The following NSFL1C variants were observed in gnomAD, a reference collection of about 807,000 sequenced individuals.
The protein encoded by NSFL1C is NSFL1 cofactor.
NSFL1C carries 14 observed loss-of-function variants against 43.1 expected under a neutral mutation model. The ratio of observed to expected loss-of-function variants is 0.32; its 90% CI spans 0.21 to 0.51. The LOEUF (loss-of-function observed/expected upper bound fraction) is 0.51, where lower values mean the gene tolerates loss of function less well. Among genes scored for constraint, NSFL1C ranks in the 20% least tolerant of loss-of-function variants. The probability of loss-of-function intolerance (pLI) is 0.98; values close to 1 mark genes in which losing one functional copy is unlikely to be tolerated. For synonymous variants in NSFL1C, 171 were observed against 183.5 expected (o/e 0.93, Z 0.55); for missense variants, 406 against 472.5 (o/e 0.86, Z 1.30).
At chr20:1,459,257 T>C (rs2090364183) in intron 2 of NSFL1C, among the ~76,000 whole-genome samples, 1 of 152,236 alleles carries the variant, frequency 6.6e-6, no homozygotes, top group South Asian at 2.1e-4. Context: ...CATGCTGTTC[T>C]CATGATAGTG....
intron 5 of NSFL1C, among the ~76,000 whole-genome samples, chr20:1,453,952 G>T (rs187014611): frequency 4.6e-5 from 7 of 152,130 alleles, no homozygotes; most frequent in Non-Finnish European, 8.8e-5. Flanking sequence ...CTCTGCCTGA[G>T]ATCCATGGGC....
chr20:1,458,322 G>C lies in NSFL1C; in HGVS notation c.204-48C>G. 4 of 1,520,566 alleles carry C rather than the reference G, an allele frequency of 2.6e-6. No individual in the cohort carries two copies. In the South Asian group the frequency reaches 3.4e-5, roughly 13 times the overall value. The allele number at this position is 1,520,566 out of a possible 1,614,324, so 94.2% of individuals were successfully genotyped here. On this transcript the variant is annotated intron_variant, in intron 2 of 8. Coordinates refer to ENST00000216879, the MANE Select transcript of NSFL1C (RefSeq NM_016143.5). ...AATGATCTCAGGGAGCATTAAGAAA[G>C]GTAACCCTCATCACCAGCTGCTAAG...
In NSFL1C at chr20:1,458,219, C is replaced by T; in HGVS notation, c.259G>A (p.Glu87Lys). 1 of 1,613,838 alleles carries T rather than the reference C, an allele frequency of 6.2e-7. No individual in the cohort carries two copies. The change falls in exon 3 of 9, where the codon GAG becomes AAG. Residue 87 changes from glutamate to lysine, a missense_variant. By Grantham distance (56) the Glu-to-Lys change is moderately conservative. This residue lies in a region of NSFL1C where 203 missense variants were observed against 216.3 expected (regional missense o/e 0.94). Transcript: ENST00000216879. ...DLIHDQDEDE[E>K]EEEGQRFYAG... is the part of the protein sequence containing the mutation. The stretch of plus-strand genomic sequence containing the variant: ...ACTCACCTCTGGCCTTCCTCTTCCT[C>T]CTCATCTTCATCTTGGTCATGAATG...
Position 1,455,096 on chromosome 20 carries a change from C to T in NSFL1C, c.315G>A (p.Gln105=). ...YAGGSERSGQ[Q]IVGPPRKKSP... Reference sequence around the variant, plus strand: ...TTTTCTTCCTGGGAGGGCCAACAATCTGCTGTCCACTTCTCTCTGAGCCCC... The same window carrying T: ...TTTTCTTCCTGGGAGGGCCAACAATTTGCTGTCCACTTCTCTCTGAGCCCC... The change falls in exon 4 of 9, where the codon CAG becomes CAA. Residue 105 remains glutamine, a synonymous_variant. Coordinates refer to ENST00000216879, the MANE Select transcript of NSFL1C (RefSeq NM_016143.5). The T allele has an allele frequency of 6.2e-7, 1 of 1,614,194 alleles. No homozygotes were observed. Among genetic ancestry groups the T allele is most frequent in the Non-Finnish European group, 8.5e-7 (1 of 1,180,020 alleles).
intron 2 of NSFL1C, among the ~76,000 whole-genome samples, chr20:1,459,612 G>C (rs1297441831): frequency 6.6e-6 from 1 of 152,088 alleles, no homozygotes; most frequent in African/African-American, 2.4e-5. Flanking sequence ...GACAATCAGG[G>C]GACAGAAGAG....
Position 1,454,140 on chromosome 20 carries a change from AT to A in NSFL1C, c.537+72del, listed in dbSNP as rs2078986346. The A allele has an allele frequency of 3.4e-6, 4 of 1,190,898 alleles. No individual in the cohort carries two copies. The South Asian group carries it at 4.9e-5, about 15-fold the overall frequency. 73.8% of individuals were successfully genotyped at this position (1,190,898 alleles called of 1,614,324 possible). ...CAGAGGCTGCTGGTTAATGCACAAT[AT>A]GTAACCAATCCCTTCAGAAAAATGG... On this transcript the variant is annotated intron_variant, in intron 5 of 8. Coordinates refer to ENST00000216879, the MANE Select transcript of NSFL1C (RefSeq NM_016143.5).
Position 1,464,445 on chromosome 20 carries a change from A to T in NSFL1C, c.106-19T>A. On this transcript the variant is annotated intron_variant, in intron 1 of 8. Transcript: ENST00000216879. ...GCGCGATCTGAAACAGAGAGGTAGT[A>T]CCTTGGGACCCTTAAACAGGCCTTC... The T allele has an allele frequency of 6.2e-7, 1 of 1,607,460 alleles. No individual in the cohort carries two copies. The highest frequency in any genetic ancestry group is 8.5e-7 in the Non-Finnish European group (1 of 1,173,846).
chr20:1,464,500 G>C, intron 1 of NSFL1C, 74 bp from the exon 2 acceptor site: 2 of 1,249,842 alleles, frequency 1.6e-6, no homozygotes, highest in East Asian at 4.7e-5. Context: ...TGAGCACAAA[G>C]GAATACAGAC....
chr20:1,459,231 G>A (rs1281996052), intron 2 of NSFL1C, among the ~76,000 whole-genome samples: 1 of 152,216 alleles, frequency 6.6e-6, no homozygotes, highest in Non-Finnish European at 1.5e-5. Flanking sequence ...CCTGGATCAT[G>A]CAGGTGGATT....
chr20:1,465,206 A>C (rs1221141532), intron 1 of NSFL1C, among the ~76,000 whole-genome samples: 1 of 152,248 alleles, frequency 6.6e-6, no homozygotes, highest in East Asian at 1.9e-4. Context: ...CAAACACAAG[A>C]AAGCATTGAG....
At chr20:1,465,260 C>G (rs923518949) in intron 1 of NSFL1C, among the ~76,000 whole-genome samples, 1 of 152,180 alleles carries the variant, frequency 6.6e-6, no homozygotes, top group Non-Finnish European at 1.5e-5. Context: ...TCAGGGTCAC[C>G]AACTTCACAG....
chr20:1,446,690 T>C (rs567398314), intron 7 of NSFL1C, among the ~76,000 whole-genome samples: 2 of 150,594 alleles, frequency 1.3e-5, no homozygotes, highest in African/African-American at 4.8e-5. Flanking sequence ...CACATAGGAC[T>C]CCCAATTCTC....
chr20:1,465,153 C>A (rs1162266932), intron 1 of NSFL1C, among the ~76,000 whole-genome samples: 4 of 152,356 alleles, frequency 2.6e-5, no homozygotes, highest in African/African-American at 9.6e-5. Flanking sequence ...ACATCTCTGT[C>A]ACCAACTCAA....
At position 1,464,338 on chromosome 20, in the gene NSFL1C, G is replaced by A; in HGVS notation, c.194C>T (p.Thr65Ile). The A allele has an allele frequency of 6.2e-7, 1 of 1,614,124 alleles. No homozygotes were observed. The highest frequency in any genetic ancestry group is 2.2e-5 in the East Asian group (1 of 44,894). ...QATPSSVSRG[T>I]APSDNRVTSF... ...TGAAGCTGGCCCTTACCTGGGGGCT[G>A]TGCCTCTGGACACTGAACTGGGGGT... Residue 65 changes from threonine to isoleucine, a missense_variant, in exon 2 of 9, where the codon ACA becomes ATA. By Grantham distance (89) the Thr-to-Ile change is moderately conservative. This residue lies in a region of NSFL1C where 203 missense variants were observed against 216.3 expected (regional missense o/e 0.94). Transcript: ENST00000216879.
chr20:1,445,404 A>G, intron 8 of NSFL1C, among the ~76,000 whole-genome samples: 1 of 152,194 alleles, frequency 6.6e-6, no homozygotes, highest in Non-Finnish European at 1.5e-5. Flanking sequence ...AAAAGCCCTG[A>G]GAAATCTAAT....
In NSFL1C at chr20:1,452,518, T is replaced by C. The variant is rs1250270565; in HGVS notation, c.760A>G (p.Thr254Ala). The C allele has an allele frequency of 2.5e-6, 4 of 1,614,200 alleles. No individual in the cohort carries two copies. The highest frequency in any genetic ancestry group is 2.2e-5 in the East Asian group (1 of 44,888). Residue 254 changes from threonine to alanine, a missense_variant, in exon 7 of 9, where the codon ACT becomes GCT. Coordinates refer to ENST00000216879, the MANE Select transcript of NSFL1C (RefSeq NM_016143.5). ...CTGCCCAGTTTCTGACCCTCGCCAG[T>C]GAAGGCTTTGAAGGCTCCTTTGGGC... ...VKPKGAFKAF[T>A]GEGQKLGSTA...
Position 1,453,129 on chromosome 20 carries a change from T to C in NSFL1C, c.549A>G (p.Val183=), listed in dbSNP as rs148537134. 6.3e-7 allele frequency: 1 copy of C among 1,595,940 alleles called. No individual in the cohort carries two copies. Among genetic ancestry groups the C allele is most frequent in the South Asian group, 1.1e-5 (1 of 90,718 alleles). The part of the protein sequence containing the change: ...RQHSSQDVHV[V]LKLWKSGFSL... The stretch of plus-strand genomic sequence containing the variant: ...TGAATCCACTCTTCCAGAGTTTCAA[T>C]ACTACATGAACCTGTGATGACAGGG... Residue 183 remains valine, a synonymous_variant, in exon 6 of 9, where the codon GTA becomes GTG. Coordinates refer to ENST00000216879, the MANE Select transcript of NSFL1C (RefSeq NM_016143.5).
At chr20:1,464,030 G>A (rs1479667875) in intron 2 of NSFL1C, 1 of 344,930 alleles carries the variant, frequency 2.9e-6, no homozygotes, top group Non-Finnish European at 5.2e-6. Context: ...GAAGTTTTTT[G>A]GCTTTTACTT....
intron 8 of NSFL1C, among the ~76,000 whole-genome samples, chr20:1,445,144 G>C (rs1318803867): frequency 6.6e-6 from 1 of 152,212 alleles, no homozygotes; most frequent in Non-Finnish European, 1.5e-5. Flanking sequence ...AAATGAAGAA[G>C]GCACTGATCC....
Sources: gnomAD v4.1 joint callset for allele counts (sites outside exome capture counted in the v4.1 genomes callset) on GRCh38, gnomAD v4.1.1 for gene constraint, gnomAD v4.1.1 regional missense constraint, MANE v1.5 for transcripts, NCBI Gene and HGNC (gene_info 2026-07-23, HGNC 2026-07-21) for gene names.